Variants in DCAF6 observed in about 807,000 individuals in gnomAD.
The protein encoded by DCAF6 is DDB1- and CUL4-associated factor 6.
A neutral mutation model predicts 125.1 loss-of-function variants in DCAF6; 54 were observed. The ratio of observed to expected loss-of-function variants is 0.43; its 90% CI spans 0.35 to 0.54. The LOEUF (loss-of-function observed/expected upper bound fraction) is 0.54, where lower values mean the gene tolerates loss of function less well. DCAF6 is among the 20% of genes least tolerant of loss of function. DCAF6 has a pLI of 0.01. For missense variants in DCAF6, 934 were observed against 1,161.7 expected, an observed-to-expected ratio of 0.80 and a Z score of 2.85; for synonymous variants, 371 against 390.4, an observed-to-expected ratio of 0.95 and a Z score of 0.58.
At chr1:167,883,361 A>G in the DCAF6 span, 37 of 1,519,002 alleles carry the variant, frequency 2.4e-5, no homozygotes, top group Middle Eastern at 5.1e-4. Flanking sequence ...TCCTGTGTCT[A>G]TTCTCACCAA....
At chr1:168,025,746 GTCTATTC>G (rs1686256476) in intron 12 of DCAF6, among the ~76,000 whole-genome samples, 1 of 152,118 alleles carries the variant, frequency 6.6e-6, no homozygotes, top group Non-Finnish European at 1.5e-5. Flanking sequence ...TCAGGCTATA[GTCTATTC>G]TCTACCGGCA....
At chr1:168,073,594 T>C (rs1420928107) in intron 21 of DCAF6, among the ~76,000 whole-genome samples, 3 of 152,182 alleles carry the variant, frequency 2.0e-5, no homozygotes, top group Non-Finnish European at 4.4e-5. Context: ...GTGACATTTT[T>C]TTCTTAACTC....
At chr1:167,903,323 G>C in the DCAF6 span, among the ~76,000 whole-genome samples, 13 of 151,500 alleles carry the variant, frequency 8.6e-5, no homozygotes, top group Admixed American at 3.3e-4. Context: ...CAGCACTTTG[G>C]GGGGCTGAGG....
At chr1:168,064,663 A>G (rs760695969) in intron 18 of DCAF6, among the ~76,000 whole-genome samples, 2 of 152,244 alleles carry the variant, frequency 1.3e-5, no homozygotes, top group Non-Finnish European at 2.9e-5. Flanking sequence ...AAAAGTTAGC[A>G]TGAAAATAAT....
chr1:167,901,732 A>G, the DCAF6 span: 2 of 1,614,158 alleles, frequency 1.2e-6, no homozygotes, highest in African/African-American at 1.3e-5. Flanking sequence ...TCTCCAGGCT[A>G]CATTTAATTA....
At chr1:167,922,742 C>A in the DCAF6 span, among the ~76,000 whole-genome samples, 1 of 152,132 alleles carries the variant, frequency 6.6e-6, no homozygotes, top group Non-Finnish European at 1.5e-5. Flanking sequence ...ATAGCCAATT[C>A]CAACTCTAAC....
the DCAF6 span, among the ~76,000 whole-genome samples, chr1:167,875,741 G>A: frequency 1.3e-5 from 2 of 151,916 alleles, no homozygotes; most frequent in African/African-American, 4.8e-5. Context: ...ACGAGGTCAG[G>A]AGATCGAGAC....
upstream of DCAF6, among the ~76,000 whole-genome samples, chr1:167,933,790 C>T (rs935775914): frequency 6.6e-6 from 1 of 152,170 alleles, no homozygotes; most frequent in Non-Finnish European, 1.5e-5. Flanking sequence ...ACTGGTGTGC[C>T]TCCAACTTGT....
At chr1:167,899,386 T>C in the DCAF6 span, 1 of 1,605,610 alleles carries the variant, frequency 6.2e-7, no homozygotes, top group Non-Finnish European at 8.5e-7. Flanking sequence ...TGTTACAGGC[T>C]GGCAGAACTT....
the DCAF6 span, among the ~76,000 whole-genome samples, chr1:167,873,545 A>G: frequency 6.6e-6 from 1 of 152,190 alleles, no homozygotes; most frequent in African/African-American, 2.4e-5. Flanking sequence ...TGCTACTAGA[A>G]GTGGCTGCCT....
chr1:168,019,278 G>T (rs953701054), intron 11 of DCAF6, among the ~76,000 whole-genome samples: 2 of 152,104 alleles, frequency 1.3e-5, no homozygotes, highest in African/African-American at 4.8e-5. Context: ...TTGATCTCCT[G>T]ACCTTGTGAT....
chr1:167,884,441 G>C, the DCAF6 span, among the ~76,000 whole-genome samples: 1 of 152,066 alleles, frequency 6.6e-6, no homozygotes, highest in Non-Finnish European at 1.5e-5. Flanking sequence ...CCTCCTACCA[G>C]TCCCCTCCAC....
intron 2 of DCAF6, among the ~76,000 whole-genome samples, chr1:167,954,573 C>T (rs1674474808): frequency 6.6e-6 from 1 of 152,080 alleles, no homozygotes; most frequent in South Asian, 2.1e-4. Context: ...CTGCCTCAGC[C>T]TCCTGAGTAG....
At chr1:168,063,542 C>G in intron 17 of DCAF6, 79 bp from the exon 18 acceptor site, 2 of 1,229,950 alleles carry the variant, frequency 1.6e-6, no homozygotes, top group Non-Finnish European at 2.2e-6. Context: ...CCTAGACTTA[C>G]TATATTTTCA....
the DCAF6 span, among the ~76,000 whole-genome samples, chr1:167,888,395 C>T: frequency 2.0e-5 from 3 of 152,026 alleles, no homozygotes; most frequent in Non-Finnish European, 4.4e-5. Flanking sequence ...AATCTATAAG[C>T]ATGGAATATC....
chr1:167,943,507 A>G (rs902613626), intron 1 of DCAF6, among the ~76,000 whole-genome samples: 3 of 151,928 alleles, frequency 2.0e-5, no homozygotes, highest in Non-Finnish European at 4.4e-5. Flanking sequence ...TTTAGATGAT[A>G]TTTTTATTTA....
At chr1:168,065,830 ATAT>A (rs2101976986) in intron 19 of DCAF6, 84 bp downstream of exon 19, 4 of 1,286,978 alleles carry the variant, frequency 3.1e-6, no homozygotes, top group Non-Finnish European at 4.2e-6. Context: ...TTAATTGTTA[ATAT>A]TATAAGAATA....
intron 2 of DCAF6, among the ~76,000 whole-genome samples, chr1:167,964,221 G>A (rs1019954468): frequency 1.3e-5 from 2 of 152,008 alleles, no homozygotes; most frequent in African/African-American, 4.8e-5. Context: ...GTAATTTCTT[G>A]CAAAGTAGGT....
intron 7 of DCAF6, among the ~76,000 whole-genome samples, chr1:167,997,956 C>T (rs1223450143): frequency 1.3e-5 from 2 of 152,112 alleles, no homozygotes; most frequent in African/African-American, 4.8e-5. Flanking sequence ...TGAGATATCA[C>T]TTCATACCCA....
Sources: allele counts gnomAD v4.1 joint callset (sites outside exome capture counted in the v4.1 genomes callset), GRCh38; gene constraint gnomAD v4.1.1; transcripts MANE v1.5; gene names NCBI Gene and HGNC (gene_info 2026-07-23, HGNC 2026-07-21).